Variants in NFASC observed in about 807,000 individuals in gnomAD.
NFASC encodes neurofascin.
Under a neutral mutation model 147.5 loss-of-function variants are expected in NFASC, and 43 were observed. The observed-to-expected ratio is 0.29, with a 90% CI of 0.23 to 0.38. The LOEUF is 0.38. NFASC is among the 10% of genes least tolerant of loss of function. The probability of loss-of-function intolerance (pLI) is 1.00; values close to 1 mark genes in which losing one functional copy is unlikely to be tolerated. For missense variants in NFASC, 1,320 were observed against 1,689.0 expected (o/e 0.78, Z 3.83); for synonymous variants, 622 against 665.5 (o/e 0.93, Z 1.01).
chr1:204,942,423 A>T (rs555500149), intron 2 of NFASC, among the ~76,000 whole-genome samples: 4 of 152,226 alleles, frequency 2.6e-5, no homozygotes, highest in Non-Finnish European at 5.9e-5. Context: ...AGCAGAGGGG[A>T]TGCATTATGC....
intron 1 of NFASC, among the ~76,000 whole-genome samples, chr1:204,906,329 A>G (rs2149262683): frequency 6.6e-6 from 1 of 152,306 alleles, no homozygotes; most frequent in African/African-American, 2.4e-5. Flanking sequence ...CATTTCCATC[A>G]TCCCAGAAAG....
At chr1:204,980,494 G>T in intron 20 of NFASC, 54 bp downstream of exon 20, 1 of 1,367,602 alleles carries the variant, frequency 7.3e-7, no homozygotes. Flanking sequence ...CATGCACCGG[G>T]AGCCCCTCTC....
At chr1:204,829,670 G>T (rs1236105608) in intron 1 of NFASC, among the ~76,000 whole-genome samples, 1 of 152,164 alleles carries the variant, frequency 6.6e-6, no homozygotes, top group South Asian at 2.1e-4. Flanking sequence ...TGGATTGGGG[G>T]AGGGGGTGCT....
chr1:204,980,482 C>T lies in NFASC; in HGVS notation c.2247+42C>T, dbSNP rs372358025. On this transcript the variant is annotated intron_variant, in intron 20 of 29. Transcript: ENST00000339876. ...GCCCCAGTGGAGCAGCTCACCTTGC[C>T]GCATGCACCGGGAGCCCCTCTCCCT... is the stretch of plus-strand genomic sequence containing the variant. The T allele has an allele frequency of 2.6e-5, 38 of 1,464,958 alleles. No individual in the cohort carries two copies. In the Middle Eastern group the frequency reaches 1.7e-3, roughly 66 times the overall value. The allele number at this position is 1,464,958 out of a possible 1,614,324, so 90.7% of individuals were successfully genotyped here. A position where few individuals can be genotyped will look rare whatever the true frequency, so the allele number is the denominator to read the frequency against.
In NFASC at chr1:204,968,413, G is replaced by T; in HGVS notation, c.818+53G>T. The T allele has an allele frequency of 7.3e-7, 1 of 1,362,926 alleles. No homozygotes were observed. Among genetic ancestry groups the T allele is most frequent in the South Asian group, 1.2e-5 (1 of 85,406 alleles). The allele number at this position is 1,362,926 out of a possible 1,614,324, so 84.4% of individuals were successfully genotyped here. On this transcript the variant is annotated intron_variant, in intron 9 of 29. Transcript: ENST00000339876. This position sits in a 1 kb window ranked among gnomAD's most constrained non-coding sequence, Gnocchi z 5.4. The stretch of plus-strand genomic sequence containing the variant: ...AGCCACCCTCCAGGAGGATGGGGAT[G>T]GGAGCTTGTTCATGCTCTTGTTAAT...
chr1:204,942,053 C>G (rs2093396474), intron 2 of NFASC, among the ~76,000 whole-genome samples: 1 of 152,158 alleles, frequency 6.6e-6, no homozygotes, highest in African/African-American at 2.4e-5. Context: ...TTTTGAGGAT[C>G]TGCTATGTTT....
intron 1 of NFASC, among the ~76,000 whole-genome samples, chr1:204,875,307 G>A (rs927659688): frequency 2.6e-5 from 4 of 152,164 alleles, no homozygotes; most frequent in African/African-American, 9.7e-5. Context: ...GGGAGGCACT[G>A]AAGGGAAGAT....
chr1:204,988,088 T>A (rs1044053016), intron 22 of NFASC, among the ~76,000 whole-genome samples: 1 of 152,246 alleles, frequency 6.6e-6, no homozygotes, highest in Non-Finnish European at 1.5e-5. Context: ...TGAAACACTT[T>A]AGGCCTTCAA....
At chr1:204,864,338 C>T (rs1367288463) in intron 1 of NFASC, among the ~76,000 whole-genome samples, 1 of 152,136 alleles carries the variant, frequency 6.6e-6, no homozygotes, top group Non-Finnish European at 1.5e-5. Flanking sequence ...TATATAAGTA[C>T]CTGTTTGAAT....
intron 1 of NFASC, among the ~76,000 whole-genome samples, chr1:204,841,428 A>C (rs1675317422): frequency 6.6e-6 from 1 of 152,208 alleles, no homozygotes; most frequent in Non-Finnish European, 1.5e-5. Context: ...TTAGTGAGAT[A>C]AGAGTCTGAG....
intron 24 of NFASC, among the ~76,000 whole-genome samples, chr1:204,994,509 C>T (rs1361971380): frequency 6.6e-6 from 1 of 152,154 alleles, no homozygotes; most frequent in Admixed American, 6.5e-5. Flanking sequence ...CTGAGGGCCA[C>T]ATGAGAGAGT....
At chr1:204,997,511 G>A (rs1041768482) in intron 25 of NFASC, 105 bp downstream of exon 25, 9 of 1,300,052 alleles carry the variant, frequency 6.9e-6, no homozygotes, top group African/African-American at 4.4e-5. Flanking sequence ...GTCTGGGGTG[G>A]TGTTTGCCAC....
intron 8 of NFASC, chr1:204,967,944 C>T (rs1304894757): frequency 1.7e-5 from 5 of 292,208 alleles, no homozygotes; most frequent in Middle Eastern, 1.1e-3. Flanking sequence ...GAGTAGATCT[C>T]GCACTGCTCA....
At chr1:205,007,242 A>AATTAGCTC (rs2096136593) in intron 27 of NFASC, among the ~76,000 whole-genome samples, 1 of 152,010 alleles carries the variant, frequency 6.6e-6, no homozygotes, top group Admixed American at 6.5e-5. Context: ...AAATTAAAAA[A>AATTAGCTC]ACAATTAGCT....
intron 1 of NFASC, among the ~76,000 whole-genome samples, chr1:204,881,882 A>G (rs924128488): frequency 6.6e-6 from 1 of 152,084 alleles, no homozygotes; most frequent in Non-Finnish European, 1.5e-5. Context: ...CACCCTTGAT[A>G]TCTGACTAGG....
chr1:204,897,298 A>T (rs554599616), intron 1 of NFASC, among the ~76,000 whole-genome samples: 58 of 152,278 alleles, frequency 3.8e-4, no homozygotes, highest in African/African-American at 1.3e-3. Context: ...GGTGAGTTCC[A>T]GGCAATAGAA....
At chr1:204,851,980 T>C (rs1162365681) in intron 1 of NFASC, among the ~76,000 whole-genome samples, 1 of 152,136 alleles carries the variant, frequency 6.6e-6, no homozygotes, top group Admixed American at 6.5e-5. Context: ...GTGAGTATAG[T>C]AGTTTTCTAG....
At chr1:204,884,031 T>G (rs1320401502) in intron 1 of NFASC, among the ~76,000 whole-genome samples, 1 of 152,158 alleles carries the variant, frequency 6.6e-6, no homozygotes, top group African/African-American at 2.4e-5. Flanking sequence ...TTCCCTCCCC[T>G]GCGTCTCACA....
chr1:204,939,771 C>T (rs757968231), intron 2 of NFASC, among the ~76,000 whole-genome samples: 13 of 152,254 alleles, frequency 8.5e-5, no homozygotes, highest in Non-Finnish European at 1.3e-4. Context: ...GGCTAGCAAG[C>T]CTGTCCCTTT....
Sources: allele counts gnomAD v4.1 joint callset (sites outside exome capture counted in the v4.1 genomes callset), GRCh38; gene constraint gnomAD v4.1.1; non-coding constraint Gnocchi (gnomAD v3.1); transcripts MANE v1.5; gene names NCBI Gene and HGNC (gene_info 2026-07-23, HGNC 2026-07-21).